The following TENM1 variants were observed in gnomAD, a reference collection of about 807,000 sequenced individuals.
TENM1 encodes the protein teneurin transmembrane protein 1, also known as teneurin-1.
A neutral mutation model predicts 174.8 loss-of-function variants in TENM1; 35 were observed. That is an observed-to-expected ratio of 0.20 (90% CI 0.15 to 0.27). The LOEUF (loss-of-function observed/expected upper bound fraction) is 0.27, where lower values mean the gene tolerates loss of function less well. TENM1 is among the 10% of genes least tolerant of loss of function. The pLI, the probability that TENM1 is intolerant of heterozygous loss-of-function variation, is 1.00. For synonymous variants in TENM1, 781 were observed against 798.7 expected (o/e 0.98, Z 0.37); for missense variants, 1,633 against 2,130.1 (o/e 0.77, Z 4.59).
intron 23 of TENM1, among the ~76,000 whole-genome samples, chrX:124,441,140 C>T: frequency 8.9e-6 from 1 of 111,830 alleles, no homozygotes; most frequent in Non-Finnish European, 1.9e-5. Context: ...GAAACTCAGG[C>T]TCAGAGATCT....
At chrX:124,547,253 C>T (rs1433082195) in intron 14 of TENM1, among the ~76,000 whole-genome samples, 163 bp from the exon 18 acceptor site, 2 of 112,458 alleles carry the variant, frequency 1.8e-5, no homozygotes, top group South Asian at 3.7e-4. Context: ...AATTATCACT[C>T]ACTCTGAGTT....
At chrX:124,547,259 G>A (rs2048451765) in intron 14 of TENM1, among the ~76,000 whole-genome samples, 169 bp from the exon 18 acceptor site, 1 of 112,335 alleles carries the variant, frequency 8.9e-6, no homozygotes. Flanking sequence ...CACTCACTCT[G>A]AGTTCACATG....
intron 11 of TENM1, among the ~76,000 whole-genome samples, chrX:124,627,372 C>T (rs1436903010): frequency 4.5e-5 from 5 of 111,995 alleles, no homozygotes; most frequent in African/African-American, 1.6e-4. Context: ...TTAGAAAAGG[C>T]CATTTGGATT....
intron 3 of TENM1, among the ~76,000 whole-genome samples, chrX:124,886,860 C>G (rs1434940888): frequency 1.9e-5 from 2 of 106,701 alleles, no homozygotes; most frequent in Non-Finnish European, 3.9e-5. Flanking sequence ...TGGAAATGGG[C>G]CATTAACATT....
chrX:124,704,939 A>C (rs202208777), intron 5 of TENM1, 74 bp downstream of exon 8: 265 of 795,840 alleles, frequency 3.3e-4, no homozygotes, highest in Non-Finnish European at 7.2e-5. Flanking sequence ...CGAGAGAAAA[A>C]CCCCCCATTC....
At chrX:124,463,908 G>C (rs1358610626) in intron 22 of TENM1, among the ~76,000 whole-genome samples, 2 of 104,973 alleles carry the variant, frequency 1.9e-5, no homozygotes, top group Non-Finnish European at 3.9e-5. Context: ...GGGGTAAGTA[G>C]ATGGTGCTAG....
intron 25 of TENM1, among the ~76,000 whole-genome samples, chrX:124,410,741 T>G (rs1438252393): frequency 8.9e-6 from 1 of 112,172 alleles, no homozygotes; most frequent in African/African-American, 3.2e-5. Flanking sequence ...AGAAGACATT[T>G]ATGCAGCCAA....
intron 31 of TENM1, 146 bp downstream of exon 34, chrX:124,382,524 T>A (rs56659142): frequency 0.076 from 40,012 of 525,530 alleles, 1,395 homozygotes; most frequent in Middle Eastern, 0.14. Context: ...GAGCTTTTTT[T>A]ATACCTTCTC....
chrX:124,382,765 G>C (rs745576670), exon 31 of TENM1: 1 of 1,203,303 alleles, frequency 8.3e-7, no homozygotes, highest in Non-Finnish European at 1.1e-6. Context: ...AATCCAGGTA[G>C]TACATTGTGT....
chrX:124,385,000 C>G (rs1343168260), intron 29 of TENM1, 146 bp from the exon 33 acceptor site: 1 of 452,303 alleles, frequency 2.2e-6, no homozygotes, highest in African/African-American at 2.4e-5. Context: ...AATGCCTGGG[C>G]ATATTACCTC....
chrX:125,155,018 C>T, the TENM1 span, among the ~76,000 whole-genome samples: 59 of 111,945 alleles, frequency 5.3e-4, no homozygotes, highest in African/African-American at 1.8e-3. Flanking sequence ...CGGGTTGCCA[C>T]TGCTGGCTCG....
At chrX:124,977,967 TGAGAGAGAGAGAGAGA>T in the TENM1 span, among the ~76,000 whole-genome samples, 146 of 33,074 alleles carry the variant, frequency 4.4e-3, no homozygotes, top group African/African-American at 0.013. Context: ...TGTGTGTGTG[TGAGAGAGAGAGAGAGA>T]GAGAGAGAGA....
chrX:124,852,763 A>C, intron 3 of TENM1, among the ~76,000 whole-genome samples: 1 of 111,801 alleles, frequency 8.9e-6, no homozygotes, highest in Non-Finnish European at 1.9e-5. Context: ...GCAAGGAAGA[A>C]AAGGTCCGAG....
chrX:124,977,035 G>A, the TENM1 span, among the ~76,000 whole-genome samples: 1 of 112,157 alleles, frequency 8.9e-6, no homozygotes, highest in East Asian at 2.8e-4. Flanking sequence ...ATAGAGAGTA[G>A]GGTTGGCATA....
intron 18 of TENM1, among the ~76,000 whole-genome samples, chrX:124,504,891 GTGTGCA>G (rs3028392): frequency 0.38 from 41,500 of 110,269 alleles, 8,139 homozygotes; most frequent in African/African-American, 0.76. Flanking sequence ...ACTGATTTGT[GTGTGCA>G]TGTGCATGTG....
intron 3 of TENM1, among the ~76,000 whole-genome samples, chrX:124,756,983 C>G (rs1314606041): frequency 8.9e-6 from 1 of 112,199 alleles, no homozygotes; most frequent in Admixed American, 9.4e-5. Flanking sequence ...GTTCTCAGAT[C>G]TCCAGCTGCG....
intron 27 of TENM1, among the ~76,000 whole-genome samples, chrX:124,400,674 T>C (rs1303816913): frequency 8.9e-6 from 1 of 112,270 alleles, no homozygotes; most frequent in Middle Eastern, 4.2e-3. Flanking sequence ...TAAACAGCTC[T>C]GGGATCCAAA....
chrX:125,054,267 G>A, the TENM1 span, among the ~76,000 whole-genome samples: 50 of 109,938 alleles, frequency 4.5e-4, no homozygotes, highest in African/African-American at 1.5e-3. Context: ...CATGCAAGAC[G>A]TGCCTGTTTT....
At chrX:125,062,904 C>T in the TENM1 span, among the ~76,000 whole-genome samples, 4 of 112,007 alleles carry the variant, frequency 3.6e-5, no homozygotes, top group East Asian at 1.1e-3. Context: ...TCACATTCAG[C>T]AAGGCATTTT....
Sources: allele counts gnomAD v4.1 joint callset (sites outside exome capture counted in the v4.1 genomes callset), GRCh38; gene constraint gnomAD v4.1.1; transcripts MANE v1.5; gene names NCBI Gene and HGNC (gene_info 2026-07-23, HGNC 2026-07-21).